Variants in ZMYND11 observed in about 807,000 individuals in gnomAD.
ZMYND11 encodes zinc finger MYND-type containing 11.
A neutral mutation model predicts 84.9 loss-of-function variants in ZMYND11; 9 were observed. The observed-to-expected ratio is 0.11, with a 90% CI of 0.06 to 0.18. The LOEUF (loss-of-function observed/expected upper bound fraction) is 0.18, where lower values mean the gene tolerates loss of function less well. Among genes scored for constraint, ZMYND11 ranks in the 10% least tolerant of loss-of-function variants. The pLI, the probability that ZMYND11 is intolerant of heterozygous loss-of-function variation, is 1.00. For missense variants in ZMYND11, 409 were observed against 761.0 expected (o/e 0.54, Z 5.44); for synonymous variants, 250 against 244.1 (o/e 1.02, Z -0.23).
chr10:153,916 A>C (rs539900739), intron 1 of ZMYND11, among the ~76,000 whole-genome samples: 27 of 152,312 alleles, frequency 1.8e-4, no homozygotes, highest in Middle Eastern at 6.8e-3. Flanking sequence ...TTGCCTTCAA[A>C]TTTAACGGTT....
intron 1 of ZMYND11, among the ~76,000 whole-genome samples, chr10:152,834 T>C (rs1840725541): frequency 6.6e-6 from 1 of 152,174 alleles, no homozygotes; most frequent in Non-Finnish European, 1.5e-5. Flanking sequence ...TCAGCAAATG[T>C]AAAAGAACAG....
At chr10:184,293 A>G (rs1002855658) in intron 2 of ZMYND11, among the ~76,000 whole-genome samples, 1 of 151,970 alleles carries the variant, frequency 6.6e-6, no homozygotes, top group African/African-American at 2.4e-5. Flanking sequence ...TGATTATGTT[A>G]TTATTTTCTT....
chr10:147,892 A>T (rs1839292134), intron 1 of ZMYND11: 1 of 152,160 alleles, frequency 6.6e-6, no homozygotes, highest in African/African-American at 2.4e-5. Flanking sequence ...GCAGCAATAC[A>T]AAAGTGTTCT....
intron 2 of ZMYND11, among the ~76,000 whole-genome samples, chr10:204,943 A>G (rs889698482): frequency 6.6e-6 from 1 of 151,844 alleles, no homozygotes; most frequent in African/African-American, 2.4e-5. Context: ...CACTATTTCT[A>G]CAGGTCACTG....
intron 4 of ZMYND11, among the ~76,000 whole-genome samples, chr10:233,556 G>T (rs11599449): frequency 0.25 from 37,587 of 152,000 alleles, 5,753 homozygotes; most frequent in Non-Finnish European, 0.35. Context: ...AGACATTCCT[G>T]GGGTAGTTAT....
At chr10:168,019 C>T (rs1554764465) in intron 1 of ZMYND11, among the ~76,000 whole-genome samples, 1 of 152,022 alleles carries the variant, frequency 6.6e-6, no homozygotes, top group East Asian at 1.9e-4. Context: ...TTTTTAACAT[C>T]TCAGGTTTGG....
At chr10:243,197 T>G (rs1279096219) in intron 10 of ZMYND11, among the ~76,000 whole-genome samples, 1 of 152,136 alleles carries the variant, frequency 6.6e-6, no homozygotes, top group Non-Finnish European at 1.5e-5. Context: ...AAAGGCCTCA[T>G]AAGAGTTTTT....
At chr10:145,193 CAT>C (rs1375399758) in intron 1 of ZMYND11, among the ~76,000 whole-genome samples, 14 of 146,708 alleles carry the variant, frequency 9.5e-5, no homozygotes, top group Admixed American at 2.1e-4. Context: ...TGTGTATATA[CAT>C]ATGTGTGTGT....
intron 1 of ZMYND11, among the ~76,000 whole-genome samples, chr10:176,986 C>T (rs1435542171): frequency 7.9e-5 from 12 of 152,002 alleles, no homozygotes; most frequent in African/African-American, 2.7e-4. Context: ...CTCTCTGTAC[C>T]CAGGATTCTA....
At chr10:169,813 A>T (rs1554765133) in intron 1 of ZMYND11, among the ~76,000 whole-genome samples, 2 of 152,126 alleles carry the variant, frequency 1.3e-5, no homozygotes, top group African/African-American at 4.8e-5. Context: ...GAAAGCTATG[A>T]AAGATGTAAT....
In ZMYND11 at chr10:254,153, T is replaced by C. The variant is rs931281946; in HGVS notation, c.*1683T>C. 1 of 152,608 alleles carries C rather than the reference T, an allele frequency of 6.6e-6. No homozygotes were observed. Among genetic ancestry groups the C allele is most frequent in the African/African-American group, 2.4e-5 (1 of 41,454 alleles). The allele number at this position is 152,608 out of a possible 1,614,324, so 9.5% of individuals were successfully genotyped here. ...CAGAACCGAGAACACTTAACCTTCT[T>C]TGATTGTTTTTCAAGTTTTAAGACT... is the stretch of plus-strand genomic sequence containing the variant. On this transcript the variant is annotated 3_prime_UTR_variant, in exon 15 of 15. Coordinates refer to ENST00000381604, the MANE Select transcript of ZMYND11 (RefSeq NM_001370100.5).
intron 4 of ZMYND11, among the ~76,000 whole-genome samples, chr10:232,102 A>T (rs748328259): frequency 1.3e-5 from 2 of 152,178 alleles, no homozygotes; most frequent in Admixed American, 6.5e-5. Flanking sequence ...ATTATAAAGC[A>T]TTGTTTTTAT....
intron 4 of ZMYND11, among the ~76,000 whole-genome samples, chr10:226,216 C>G (rs990726303): frequency 6.6e-6 from 1 of 152,140 alleles, no homozygotes; most frequent in Non-Finnish European, 1.5e-5. Flanking sequence ...ACTTGACTCC[C>G]CACCCTTCCT....
chr10:207,734 T>C (rs1047351346), intron 2 of ZMYND11, among the ~76,000 whole-genome samples: 10 of 152,172 alleles, frequency 6.6e-5, no homozygotes, highest in African/African-American at 2.4e-4. Flanking sequence ...AGGTAATTTA[T>C]AGATTCAATG....
At chr10:209,767 C>A in intron 2 of ZMYND11, 122 bp from the exon 3 acceptor site, 1 of 907,028 alleles carries the variant, frequency 1.1e-6, no homozygotes, top group Admixed American at 2.7e-5. Context: ...TGTTCTTTAT[C>A]TCAACAGGAC....
In ZMYND11 at chr10:143,623, T is replaced by C. The variant is rs1837988619; in HGVS notation, c.-20+8064T>C. On this transcript the variant is annotated intron_variant, in intron 1 of 14. Transcript: ENST00000381604. ...TTTACCATTAGAGATGTTGTCTTTT[T>C]AAATTATAGAGGATATAAGTCTACA... 2.0e-5 allele frequency among the ~76,000 whole-genome samples: 3 copies of C among 152,354 alleles called. No homozygotes were observed. The South Asian group carries it at 6.2e-4, about 32-fold the overall frequency.
At chr10:213,003 A>G (rs1252599311) in intron 3 of ZMYND11, among the ~76,000 whole-genome samples, 1 of 152,106 alleles carries the variant, frequency 6.6e-6, no homozygotes, top group African/African-American at 2.4e-5. Context: ...CACAATTTTC[A>G]TGCCCTGATA....
intron 10 of ZMYND11, among the ~76,000 whole-genome samples, chr10:244,111 A>G (rs755271397): frequency 1.3e-5 from 2 of 150,418 alleles, no homozygotes; most frequent in African/African-American, 2.5e-5. Flanking sequence ...CCTGGATACA[A>G]TGTGAACAAT....
chr10:203,530 G>C (rs527695267), intron 2 of ZMYND11, among the ~76,000 whole-genome samples: 1 of 152,184 alleles, frequency 6.6e-6, no homozygotes, highest in Non-Finnish European at 1.5e-5. Context: ...TATTTTTGTG[G>C]ATTTTGGCAA....
Sources: gnomAD v4.1 joint callset for allele counts (sites outside exome capture counted in the v4.1 genomes callset) on GRCh38, gnomAD v4.1.1 for gene constraint, MANE v1.5 for transcripts, NCBI Gene and HGNC (gene_info 2026-07-23, HGNC 2026-07-21) for gene names.